The following ESR1 variants were observed in gnomAD, a reference collection of about 807,000 sequenced individuals.
The protein encoded by ESR1 is estrogen receptor.
ESR1 carries 12 observed loss-of-function variants against 52.7 expected under a neutral mutation model. That is an observed-to-expected ratio of 0.23 (90% CI 0.15 to 0.37). ESR1 has a LOEUF of 0.37. Ranked by LOEUF, ESR1 falls within the 10% of genes least tolerant of loss-of-function variation. The pLI is 1.00. For missense variants in ESR1, 584 were observed against 779.7 expected (o/e 0.75, Z 2.99); for synonymous variants, 305 against 316.8 (o/e 0.96, Z 0.39).
At chr6:152,031,354 G>T (rs2044685598) in intron 5 of ESR1, among the ~76,000 whole-genome samples, 1 of 152,070 alleles carries the variant, frequency 6.6e-6, no homozygotes, top group African/African-American at 2.4e-5. Flanking sequence ...CTAGGAGCTG[G>T]TTTTTTGAAA....
intron 3 of ESR1, among the ~76,000 whole-genome samples, chr6:151,892,053 A>G (rs1794773470): frequency 6.6e-6 from 1 of 152,214 alleles, no homozygotes; most frequent in Non-Finnish European, 1.5e-5. Context: ...CCATTCTGGT[A>G]TATAAAAACA....
intron 6 of ESR1, among the ~76,000 whole-genome samples, chr6:152,086,258 A>C (rs932384845): frequency 6.6e-6 from 1 of 152,114 alleles, no homozygotes; most frequent in Admixed American, 6.5e-5. Context: ...AATATATTAC[A>C]GATACAAGTA....
intron 2 of ESR1, among the ~76,000 whole-genome samples, chr6:151,720,570 G>GAA (rs1350862617): frequency 6.6e-6 from 1 of 152,122 alleles, no homozygotes; most frequent in African/African-American, 2.4e-5. Flanking sequence ...ATTTGTATTA[G>GAA]AAAAACCTTT....
intron 4 of ESR1, among the ~76,000 whole-genome samples, chr6:151,963,218 G>T (rs1341645031): frequency 1.3e-5 from 2 of 152,126 alleles, no homozygotes. Context: ...TGTTCCTTGA[G>T]CAGAATGTTT....
chr6:151,843,292 A>C (rs765645723), intron 2 of ESR1, among the ~76,000 whole-genome samples: 4 of 152,138 alleles, frequency 2.6e-5, no homozygotes, highest in Non-Finnish European at 5.9e-5. Context: ...TCAATGGATG[A>C]CAGGATATTT....
intron 6 of ESR1, among the ~76,000 whole-genome samples, chr6:152,077,975 C>A (rs749848891): frequency 6.6e-6 from 1 of 152,112 alleles, no homozygotes; most frequent in Non-Finnish European, 1.5e-5. Context: ...GTTGGGAAGG[C>A]ATGATTGCTT....
In ESR1 at chr6:151,691,820, C is replaced by T. The variant is rs549723116; in HGVS notation, c.-202+1156C>T. Among the ~76,000 whole-genome samples the T allele has an allele frequency of 1.4e-4, 21 of 152,206 alleles. No individual in the cohort carries two copies. In the East Asian group the frequency reaches 3.5e-3, roughly 25 times the overall value. Reference sequence around the variant, plus strand: ...GATGGTTCAGGGTCCATTTGTATACCATAAAATCCCTTCCTATTTCTCAAA... The same window carrying T: ...GATGGTTCAGGGTCCATTTGTATACTATAAAATCCCTTCCTATTTCTCAAA... On this transcript the variant is annotated intron_variant, in intron 1 of 2. Coordinates refer to the ESR1 transcript ENST00000404742.
chr6:151,793,803 A>G (rs983806739), intron 2 of ESR1, among the ~76,000 whole-genome samples: 2 of 152,256 alleles, frequency 1.3e-5, no homozygotes, highest in Non-Finnish European at 2.9e-5. Context: ...AGTCTAGTAA[A>G]AAAACCACAA....
intron 5 of ESR1, among the ~76,000 whole-genome samples, chr6:152,034,413 T>G (rs1200564187): frequency 6.6e-6 from 1 of 152,216 alleles, no homozygotes; most frequent in African/African-American, 2.4e-5. Flanking sequence ...GACTTTCTCT[T>G]AAATCCTTTC....
upstream of ESR1, among the ~76,000 whole-genome samples, chr6:151,802,975 A>G (rs1383866959): frequency 6.7e-6 from 1 of 148,784 alleles, no homozygotes; most frequent in Non-Finnish European, 1.5e-5. Context: ...CTGGGTGACA[A>G]AAGTGAAACT....
chr6:151,795,832 G>T (rs1221458061), intron 2 of ESR1, among the ~76,000 whole-genome samples: 1 of 152,124 alleles, frequency 6.6e-6, no homozygotes, highest in Non-Finnish European at 1.5e-5. Flanking sequence ...CTCTGTGCAT[G>T]GAATACTATG....
rs564237044 is a variant in ESR1, at chr6:151,815,388, C to A, written c.452+7024C>A. ...CCTGAGCACTGGTCCAAACAGAAAT[C>A]ATCTCTTCTTCATTGCTGTATTTCC... On this transcript the variant is annotated intron_variant, in intron 1 of 7. Coordinates refer to ENST00000206249, the MANE Select transcript of ESR1 (RefSeq NM_000125.4). Among the ~76,000 whole-genome samples, 5 of 152,312 alleles carry A rather than the reference C, an allele frequency of 3.3e-5. No homozygotes were observed. The South Asian group carries it at 1.0e-3, about 32-fold the overall frequency.
At chr6:151,907,778 T>C (rs1431377055) in intron 3 of ESR1, among the ~76,000 whole-genome samples, 3 of 152,192 alleles carry the variant, frequency 2.0e-5, no homozygotes, top group African/African-American at 4.8e-5. Flanking sequence ...TACTTTTTCA[T>C]GACTTTCGCC....
chr6:151,720,131 A>C (rs1391252424), intron 2 of ESR1, among the ~76,000 whole-genome samples: 1 of 152,214 alleles, frequency 6.6e-6, no homozygotes, highest in Non-Finnish European at 1.5e-5. Context: ...CAAGATGATA[A>C]ATTAAGTTGC....
At chr6:152,106,264 T>G (rs539347550), downstream of ESR1, among the ~76,000 whole-genome samples, 1 of 152,332 alleles carries the variant, frequency 6.6e-6, no homozygotes, top group Non-Finnish European at 1.5e-5. Context: ...TTAAACTACT[T>G]TCTATCTTTT....
intron 2 of ESR1, among the ~76,000 whole-genome samples, chr6:151,723,472 A>G (rs1019664707): frequency 1.3e-5 from 2 of 152,170 alleles, no homozygotes; most frequent in Admixed American, 6.5e-5. Flanking sequence ...TTCTCAGGGA[A>G]ACATTTACCC....
At chr6:151,739,657 C>G (rs572706950) in intron 2 of ESR1, among the ~76,000 whole-genome samples, 277 of 152,320 alleles carry the variant, frequency 1.8e-3, no homozygotes, top group African/African-American at 6.2e-3. Flanking sequence ...AACCCCGAAC[C>G]CCTTTGATCC....
chr6:151,892,766 C>T (rs1794880195), intron 3 of ESR1, among the ~76,000 whole-genome samples: 1 of 152,130 alleles, frequency 6.6e-6, no homozygotes, highest in Non-Finnish European at 1.5e-5. Flanking sequence ...CTGGTTATGT[C>T]TGCTTGAAAA....
intron 2 of ESR1, among the ~76,000 whole-genome samples, chr6:151,871,690 C>T (rs1160479878): frequency 9.2e-5 from 14 of 152,322 alleles, no homozygotes; most frequent in Non-Finnish European, 1.9e-4. Context: ...CAGGCATGAG[C>T]CACTGTGCCC....
Sources: gnomAD v4.1 joint callset for allele counts (sites outside exome capture counted in the v4.1 genomes callset) on GRCh38, gnomAD v4.1.1 for gene constraint, MANE v1.5 for transcripts, NCBI Gene and HGNC (gene_info 2026-07-23, HGNC 2026-07-21) for gene names.